The following KIT variants were observed in gnomAD, a reference collection of about 807,000 sequenced individuals.
The protein encoded by KIT is KIT proto-oncogene, receptor tyrosine kinase.
In KIT, 16 loss-of-function variants were observed where a neutral mutation model predicts 105.7. The ratio of observed to expected loss-of-function variants is 0.15; its 90% CI spans 0.10 to 0.23. The LOEUF (loss-of-function observed/expected upper bound fraction) is 0.23, where lower values mean the gene tolerates loss of function less well. Ranked by LOEUF, KIT falls within the 10% of genes least tolerant of loss-of-function variation. The pLI is 1.00. For synonymous variants in KIT, 438 were observed against 441.1 expected (o/e 0.99, Z 0.09); for missense variants, 858 against 1,213.8 (o/e 0.71, Z 4.36).
chr4:54,691,940 ACT>A (rs1241364488), intron 1 of KIT, among the ~76,000 whole-genome samples: 1 of 150,994 alleles, frequency 6.6e-6, no homozygotes, highest in Non-Finnish European at 1.5e-5. Context: ...GATGATGGAA[ACT>A]CTTCCCATAC....
intron 1 of KIT, among the ~76,000 whole-genome samples, chr4:54,680,385 C>CT (rs756268006): frequency 0.087 from 8,968 of 102,516 alleles, 691 homozygotes; most frequent in African/African-American, 0.18. Context: ...TTCATTCGTC[C>CT]TTTTTTTTTT....
chr4:54,723,843 G>C (rs904885764), intron 8 of KIT, 145 bp downstream of exon 8: 1 of 653,150 alleles, frequency 1.5e-6, no homozygotes, highest in Non-Finnish European at 2.7e-6. Context: ...TTTTTAGAAG[G>C]GATAATTGCT....
chr4:54,731,812 T>A, intron 15 of KIT, 59 bp from the exon 16 acceptor site: 2 of 1,588,874 alleles, frequency 1.3e-6, no homozygotes, highest in Non-Finnish European at 1.7e-6. Context: ...TGCCACTGTC[T>A]TTTCCTTTCC....
At position 54,738,419 on chromosome 4, in the gene KIT, T is replaced by A. The variant is rs1381666034; in HGVS notation, c.2803-10T>A. The A allele has an allele frequency of 6.2e-7, 1 of 1,613,934 alleles. No individual in the cohort carries two copies. The highest frequency in any genetic ancestry group is 1.3e-5 in the African/African-American group (1 of 74,898). ...GACTGCTGTATTGACTATGGGCTTG[T>A]TTTCTCCAGATTTACTCCAACTTAG... On this transcript the variant is annotated splice_polypyrimidine_tract_variant and intron_variant, in intron 20 of 20. Coordinates refer to ENST00000288135, the MANE Select transcript of KIT (RefSeq NM_000222.3).
At chr4:54,695,851 A>T in intron 2 of KIT, 70 bp downstream of exon 2, 2 of 1,575,500 alleles carry the variant, frequency 1.3e-6, no homozygotes, top group African/African-American at 2.7e-5. Context: ...TTTGGATGAC[A>T]TATGGATGAC....
rs1052279157 is a variant in KIT at position 54,740,531 on chromosome 4, C to G, written c.*1974C>G. On this transcript the variant is annotated 3_prime_UTR_variant, in exon 21 of 21. Transcript: ENST00000288135. ...AAATATTGAAATGTAGCAATAATGT[C>G]TTTTGAATATTCCCAAGCCCATGAG... The G allele has an allele frequency of 9.0e-5, 21 of 232,680 alleles. No individual in the cohort carries two copies. Among genetic ancestry groups the G allele is most frequent in the African/African-American group, 4.6e-4 (21 of 45,196 alleles). The allele number at this position is 232,680 out of a possible 1,614,324, so 14.4% of individuals were successfully genotyped here.
chr4:54,660,760 G>T (rs993740769), intron 1 of KIT, among the ~76,000 whole-genome samples: 1 of 152,132 alleles, frequency 6.6e-6, no homozygotes, highest in African/African-American at 2.4e-5. Flanking sequence ...CAGTGGTGAA[G>T]CCTGATGAGA....
intron 1 of KIT, among the ~76,000 whole-genome samples, chr4:54,666,370 C>T (rs1222040618): frequency 6.6e-6 from 1 of 152,132 alleles, no homozygotes; most frequent in Non-Finnish European, 1.5e-5. Flanking sequence ...GCCTCCACCT[C>T]CCGGGTTCAA....
At position 54,707,268 on chromosome 4, in the gene KIT, G is replaced by A. The variant is rs1720848490; in HGVS notation, c.1096G>A (p.Glu366Lys). 1 of 1,611,024 alleles carries A rather than the reference G, an allele frequency of 6.2e-7. No individual in the cohort carries two copies. The highest frequency in any genetic ancestry group is 8.5e-7 in the Non-Finnish European group (1 of 1,177,192). Residue 366 changes from glutamate (E) to lysine (K), a missense_variant, in exon 6 of 21, where the codon GAG (glutamate) becomes AAG (lysine). Glu to Lys is a moderately conservative substitution (Grantham distance 56, BLOSUM62 1). Transcript: ENST00000288135. ...TDKWEDYPKS[E>K]NESNIRYVSE... The stretch of plus-strand genomic sequence containing the variant: ...TAAATGGGAAGATTATCCCAAGTCT[G>A]AGAATGAAAGTAATATCAGGTAAGA...
intron 7 of KIT, among the ~76,000 whole-genome samples, chr4:54,720,157 A>G (rs1721773821): frequency 6.6e-6 from 1 of 152,064 alleles, no homozygotes; most frequent in Non-Finnish European, 1.5e-5. Context: ...TTGCTGGGTT[A>G]TACCCTCAGC....
intron 5 of KIT, among the ~76,000 whole-genome samples, chr4:54,706,865 TGC>T (rs1308931856): frequency 6.6e-6 from 1 of 152,200 alleles, no homozygotes. Flanking sequence ...TTAAGAGAAT[TGC>T]TTAAGAGGCA....
In KIT at chr4:54,684,162, CAG is replaced by C. The variant is rs201271450; in HGVS notation, c.68-11347_68-11346del. ...AATCCACCCAGGTTGAACGCCCACA[CAG>C]AGGTGTGTGGGTGGGGTGGGGTGGG... On this transcript the variant is annotated intron_variant, in intron 1 of 20. Transcript: ENST00000288135. Among the ~76,000 whole-genome samples, 967 of 146,018 alleles carry C rather than the reference CAG, an allele frequency of 6.6e-3. 18 individuals are homozygous for C. Among genetic ancestry groups the C allele is most frequent in the African/African-American group, 0.025 (931 of 36,738 alleles).
intron 1 of KIT, among the ~76,000 whole-genome samples, chr4:54,690,712 C>T (rs906007614): frequency 4.6e-5 from 7 of 152,194 alleles, no homozygotes; most frequent in South Asian, 2.1e-4. Context: ...CTGTCTACCA[C>T]GCACATTTCA....
chr4:54,667,887 T>C (rs1157823361), intron 1 of KIT, among the ~76,000 whole-genome samples: 1 of 152,188 alleles, frequency 6.6e-6, no homozygotes, highest in East Asian at 1.9e-4. Flanking sequence ...TTTGAGTTGT[T>C]TTTAAGTCCA....
At chr4:54,667,410 G>C (rs1001114250) in intron 1 of KIT, among the ~76,000 whole-genome samples, 3 of 152,124 alleles carry the variant, frequency 2.0e-5, no homozygotes, top group African/African-American at 7.2e-5. Context: ...GATGGTCCTG[G>C]GTAGGCGCCA....
At position 54,726,083 on chromosome 4, in the gene KIT, G is replaced by T. The variant is rs758782059; in HGVS notation, c.1540+33G>T. The T allele has an allele frequency of 3.9e-6, 6 of 1,544,062 alleles. No homozygotes were observed. The African/African-American group carries it at 8.2e-5, about 21-fold the overall frequency. On this transcript the variant is annotated intron_variant, in intron 9 of 20. Coordinates refer to ENST00000288135, the MANE Select transcript of KIT (RefSeq NM_000222.3). ...TCTTTTTAATCCAATTTAAGGGGATGTTTAGGCTCTGTCTACCATATCAGT... is the reference window on the plus strand; with the variant it reads ...TCTTTTTAATCCAATTTAAGGGGATTTTTAGGCTCTGTCTACCATATCAGT...
chr4:54,733,224 C>A (rs1722717029), intron 17 of KIT, 32 bp downstream of exon 17: 1 of 1,606,956 alleles, frequency 6.2e-7, no homozygotes, highest in Non-Finnish European at 8.5e-7. Flanking sequence ...GACAGTCCTG[C>A]AAAGGATTTT....
chr4:54,658,440 G>C (rs1390933950), intron 1 of KIT, among the ~76,000 whole-genome samples: 1 of 152,004 alleles, frequency 6.6e-6, no homozygotes, highest in African/African-American at 2.4e-5. Context: ...GGTTTGCACC[G>C]AGCGCCTTCT....
chr4:54,738,608 T>C lies in KIT; in HGVS notation c.*51T>C, dbSNP rs1723068612. 1 of 1,607,110 alleles carries C rather than the reference T, an allele frequency of 6.2e-7. No homozygotes were observed. The highest frequency in any genetic ancestry group is 2.2e-5 in the East Asian group (1 of 44,858). ...TCCAGGAATGATCTCTTCTTTTGGC[T>C]TCCATGATGGTTATTTTCTTTTCTT... On this transcript the variant is annotated 3_prime_UTR_variant, in exon 21 of 21. Coordinates refer to ENST00000288135, the MANE Select transcript of KIT (RefSeq NM_000222.3).
Sources: allele counts gnomAD v4.1 joint callset (sites outside exome capture counted in the v4.1 genomes callset), GRCh38; gene constraint gnomAD v4.1.1; transcripts MANE v1.5; gene names NCBI Gene and HGNC (gene_info 2026-07-23, HGNC 2026-07-21).